The following MCOLN1 variants were observed in gnomAD, a reference collection of about 807,000 sequenced individuals.
MCOLN1 encodes mucolipin TRP cation channel 1, also known as mucolipin-1.
Under a neutral mutation model 70.3 loss-of-function variants are expected in MCOLN1, and 50 were observed. That is an observed-to-expected ratio of 0.71 (90% CI 0.57 to 0.90). MCOLN1 has a LOEUF of 0.90. Ranked by LOEUF, MCOLN1 falls within the 40% of genes least tolerant of loss-of-function variation. MCOLN1 has a pLI of 0.00. For synonymous variants in MCOLN1, 366 were observed against 341.0 expected, an observed-to-expected ratio of 1.07 and a Z score of -0.81; for missense variants, 598 against 803.5, an observed-to-expected ratio of 0.74 and a Z score of 3.09.
At chr19:7,530,555 C>T in intron 12 of MCOLN1, 54 bp downstream of exon 12, 1 of 1,506,428 alleles carries the variant, frequency 6.6e-7, no homozygotes, top group East Asian at 2.3e-5. Context: ...CTGGAGTCTG[C>T]CATGAGGGGG....
At position 7,527,090 on chromosome 19, in the gene MCOLN1, C is replaced by T. The variant is rs926507800; in HGVS notation, c.571+164C>T. The stretch of plus-strand genomic sequence containing the variant: ...AGAAGTTTGAGACCAGCCTGGGCCA[C>T]GTAGGAAGACCTTGTCTCTACGCAC... On this transcript the variant is annotated intron_variant, in intron 4 of 13. Coordinates refer to ENST00000264079, the MANE Select transcript of MCOLN1 (RefSeq NM_020533.3). 33 of 854,892 alleles carry T rather than the reference C, an allele frequency of 3.9e-5. No individual in the cohort carries two copies. The Admixed American group carries it at 4.6e-4, about 12-fold the overall frequency. 53.0% of individuals were successfully genotyped at this position (854,892 alleles called of 1,614,324 possible). A position where few individuals can be genotyped will look rare whatever the true frequency, so the allele number is the denominator to read the frequency against.
Position 7,528,236 on chromosome 19 carries a change from C to A in MCOLN1, c.856C>A (p.His286Asn), listed in dbSNP as rs145191057. The A allele has an allele frequency of 1.5e-4, 245 of 1,613,978 alleles. No individual in the cohort carries two copies. The highest frequency in any genetic ancestry group is 1.5e-4 in the Non-Finnish European group (175 of 1,179,968). Residue 286 changes from histidine to asparagine, a missense_variant, in exon 7 of 14, where the codon CAC (histidine) becomes AAC (asparagine). His to Asn is a moderately conservative substitution (Grantham distance 68, BLOSUM62 1). Around this residue, in one of 3 missense-constraint regions of MCOLN1, gnomAD observed 461 missense variants for 588.4 expected, o/e 0.78. Transcript: ENST00000264079. The surrounding 1 kb of genome is among the most constrained non-coding windows in gnomAD (Gnocchi z 4.2). Reference sequence around the variant, plus strand: ...CCAGGCCCACATCCAGGAGTGTAAGCACCCCAGTGTCTTCCAGCACGGTGA... The same window carrying A: ...CCAGGCCCACATCCAGGAGTGTAAGAACCCCAGTGTCTTCCAGCACGGTGA... ...ETQAHIQECK[H>N]PSVFQHGDNS...
chr19:7,523,874 C>CT (rs911225927), intron 1 of MCOLN1, among the ~76,000 whole-genome samples: 6 of 149,420 alleles, frequency 4.0e-5, no homozygotes, highest in South Asian at 2.1e-4. Flanking sequence ...TTTTAATAAA[C>CT]TTTTTTTTGT....
chr19:7,533,587 G>T lies in MCOLN1; in HGVS notation c.1640G>T (p.Ser547Ile). 6.2e-7 allele frequency: 1 copy of T among 1,613,162 alleles called. No individual in the cohort carries two copies. Among genetic ancestry groups the T allele is most frequent in the Non-Finnish European group, 8.5e-7 (1 of 1,179,964 alleles). The change falls in exon 13 of 14, where the codon AGC becomes ATC. Residue 547 changes from serine to isoleucine, a missense_variant. By Grantham distance (142) the Ser-to-Ile change is moderately radical. Transcript: ENST00000264079. ...LQAYIAQCQDSPTSGKFRRGS... is the reference protein window; with the variant it reads ...LQAYIAQCQDIPTSGKFRRGS... ...GCCTACATCGCACAGTGCCAGGACA[G>T]CCCCACCTCCGGCAAGTTCCGCCGC...
In MCOLN1 at chr19:7,527,629, G is replaced by A. The variant is rs1599254152; in HGVS notation, c.680+1G>A. On this transcript the variant is annotated splice_donor_variant, in intron 5 of 13. Transcript: ENST00000264079. LOFTEE classifies it high-confidence loss of function. ...AGAACCTCACGCTCAAATTCCACAA[G>A]TACTGCCTGCTCACTCGAGGGGGGC... The A allele has an allele frequency of 1.2e-6, 2 of 1,601,580 alleles. No individual in the cohort carries two copies. The highest frequency in any genetic ancestry group is 8.6e-7 in the Non-Finnish European group (1 of 1,168,552).
Position 7,529,133 on chromosome 19 carries a change from C to T in MCOLN1, c.1167C>T (p.Leu389=). Residue 389 remains leucine, a synonymous_variant, in exon 10 of 14, where the codon CTC becomes CTT. Transcript: ENST00000264079. ...CGAGCTACGACGTCTGCAGCATCCT[C>T]CTGGGCACCTCGACGCTGCTGGTGT... The part of the protein sequence containing the change: ...NLASYDVCSI[L]LGTSTLLVWV... The T allele has an allele frequency of 6.8e-6, 11 of 1,613,982 alleles. No homozygotes were observed. The highest frequency in any genetic ancestry group is 1.1e-5 in the South Asian group (1 of 91,086).
At position 7,526,268 on chromosome 19, in the gene MCOLN1, A is replaced by C; in HGVS notation, c.238-171A>C. 4 of 782,126 alleles carry C rather than the reference A, an allele frequency of 5.1e-6. No individual in the cohort carries two copies. The South Asian group carries it at 6.1e-5, about 12-fold the overall frequency. The allele number at this position is 782,126 out of a possible 1,614,324, so 48.4% of individuals were successfully genotyped here. On this transcript the variant is annotated intron_variant, in intron 2 of 13. Coordinates refer to ENST00000264079, the MANE Select transcript of MCOLN1 (RefSeq NM_020533.3). This position sits in a 1 kb window ranked among gnomAD's most constrained non-coding sequence, Gnocchi z 4.6. ...GAGGTGGGGTGAAATTAATCAAAGC[A>C]AAGAAATGCACAAGTGAAATCCGTG...
chr19:7,524,312 G>A lies in MCOLN1; in HGVS notation c.32-649G>A, dbSNP rs1019107980. 1.4e-4 allele frequency among the ~76,000 whole-genome samples: 22 copies of A among 152,298 alleles called. No homozygotes were observed. Among genetic ancestry groups the A allele is most frequent in the African/African-American group, 5.1e-4 (21 of 41,554 alleles). ...CAGGGAGATAAAATGAGTCTTTAGC[G>A]AATGTGTTCCATTATTATTACTTAT... On this transcript the variant is annotated intron_variant, in intron 1 of 13. Transcript: ENST00000264079. The surrounding 1 kb of genome is among the most constrained non-coding windows in gnomAD (Gnocchi z 4.1).
At position 7,526,941 on chromosome 19, in the gene MCOLN1, C is replaced by T. The variant is rs369307410; in HGVS notation, c.571+15C>T. 13 of 1,613,912 alleles carry T rather than the reference C, an allele frequency of 8.1e-6. No individual in the cohort carries two copies. Among genetic ancestry groups the T allele is most frequent in the East Asian group, 2.2e-5 (1 of 44,872 alleles). ...GGTGGTTACTGGTGAGTGGGCAGGACGAGGCTTCACTGTTGGGAGCCTGAG... is the reference window on the plus strand; with the variant it reads ...GGTGGTTACTGGTGAGTGGGCAGGATGAGGCTTCACTGTTGGGAGCCTGAG... On this transcript the variant is annotated intron_variant, in intron 4 of 13. Transcript: ENST00000264079. The surrounding 1 kb of genome is among the most constrained non-coding windows in gnomAD (Gnocchi z 4.6).
Position 7,533,810 on chromosome 19 carries a change from C to T in MCOLN1, c.*15C>T, listed in dbSNP as rs755276306. ...TGGTGAATTGATTCGACCTGACTGC[C>T]GTTGGACCGTAGGCCCTGGACTGCA... On this transcript the variant is annotated 3_prime_UTR_variant, in exon 14 of 14. Coordinates refer to ENST00000264079, the MANE Select transcript of MCOLN1 (RefSeq NM_020533.3). 11 of 1,614,114 alleles carry T rather than the reference C, an allele frequency of 6.8e-6. No homozygotes were observed. In the South Asian group the frequency reaches 8.8e-5, roughly 13 times the overall value.
chr19:7,522,821 C>T, intron 1 of MCOLN1, 40 bp downstream of exon 1: 2 of 1,312,066 alleles, frequency 1.5e-6, no homozygotes, highest in Non-Finnish European at 1.9e-6. Flanking sequence ...CGAACTCAGG[C>T]GGGCGGGCTG....
chr19:7,527,304 C>A, intron 4 of MCOLN1: 1 of 520,694 alleles, frequency 1.9e-6, no homozygotes, highest in Non-Finnish European at 3.5e-6. Flanking sequence ...AACAAGTATG[C>A]TTAGTGTGAG....
In MCOLN1 at chr19:7,526,600, G is replaced by A; in HGVS notation, c.399G>A (p.Val133=). ...EQLYQAIFHA[V]DQYLALPDVS... is the part of the protein sequence containing the mutation. ...TGTACCAGGCCATCTTCCATGCTGT[G>A]GACCAGGTGCTGGTGGGCGGGCAGG... The change falls in exon 3 of 14, where the codon GTG becomes GTA. Residue 133 remains valine (V), a synonymous_variant. Coordinates refer to ENST00000264079, the MANE Select transcript of MCOLN1 (RefSeq NM_020533.3). The surrounding 1 kb of genome is among the most constrained non-coding windows in gnomAD (Gnocchi z 4.6). The A allele has an allele frequency of 6.2e-7, 1 of 1,613,014 alleles. No individual in the cohort carries two copies.
Position 7,528,922 on chromosome 19 carries a change from T to A in MCOLN1, c.1086T>A (p.Asp362Glu). The A allele has an allele frequency of 1.2e-6, 2 of 1,614,158 alleles. No individual in the cohort carries two copies. Among genetic ancestry groups the A allele is most frequent in the Non-Finnish European group, 1.7e-6 (2 of 1,180,024 alleles). ...NGWYILLVTS[D>E]VLTISGTIMK... The stretch of plus-strand genomic sequence containing the variant: ...GGTACATCCTGCTCGTCACCAGCGA[T>A]GTGCTCACCATCTCGGGCACCATCA... The change falls in exon 9 of 14, where the codon GAT becomes GAA. Residue 362 changes from aspartate (D) to glutamate (E), a missense_variant. Around this residue, in one of 3 missense-constraint regions of MCOLN1, gnomAD observed 461 missense variants for 588.4 expected, o/e 0.78. Coordinates refer to ENST00000264079, the MANE Select transcript of MCOLN1 (RefSeq NM_020533.3). This position sits in a 1 kb window ranked among gnomAD's most constrained non-coding sequence, Gnocchi z 4.2.
At position 7,530,441 on chromosome 19, in the gene MCOLN1, C is replaced by T; in HGVS notation, c.1515C>T (p.Phe505=). ...QLYLYSFISL[F]IYMVLSLFIA... is the part of the protein sequence containing the mutation. ...ACCTTTACTCCTTCATCAGCCTCTT[C>T]ATCTACATGGTGCTCAGCCTCTTCA... The change falls in exon 12 of 14, where the codon TTC becomes TTT. Residue 505 remains phenylalanine (F), a synonymous_variant. Coordinates refer to ENST00000264079, the MANE Select transcript of MCOLN1 (RefSeq NM_020533.3). 1 of 1,613,302 alleles carries T rather than the reference C, an allele frequency of 6.2e-7. No individual in the cohort carries two copies. The highest frequency in any genetic ancestry group is 2.2e-5 in the East Asian group (1 of 44,888).
In MCOLN1 at chr19:7,528,064, G is replaced by A; in HGVS notation, c.778-94G>A. ...CCAAGGGCAAGCGTGCGGGTGATGA[G>A]GGAGGGAGCCCGGGGTCTGTCAGGC... On this transcript the variant is annotated intron_variant, in intron 6 of 13. Coordinates refer to ENST00000264079, the MANE Select transcript of MCOLN1 (RefSeq NM_020533.3). The surrounding 1 kb of genome is among the most constrained non-coding windows in gnomAD (Gnocchi z 4.2). 6.5e-7 allele frequency: 1 copy of A among 1,529,940 alleles called. No individual in the cohort carries two copies. Among genetic ancestry groups the A allele is most frequent in the Non-Finnish European group, 9.1e-7 (1 of 1,103,776 alleles). 94.8% of individuals were successfully genotyped at this position (1,529,940 alleles called of 1,614,324 possible).
At position 7,529,598 on chromosome 19, in the gene MCOLN1, C is replaced by T. The variant is rs1302332702; in HGVS notation, c.1245C>T (p.Ile415=). The T allele has an allele frequency of 2.2e-5, 34 of 1,544,606 alleles. No homozygotes were observed. Among genetic ancestry groups the T allele is most frequent in the Non-Finnish European group, 2.6e-5 (30 of 1,135,374 alleles). ...CCTCTGCCCCAACCCAGATCCTCAT[C>T]GCCACACTGCGGGTGGCCCTGCCCA... ...LTFFHNYNIL[I]ATLRVALPSV... The change falls in exon 11 of 14, where the codon ATC becomes ATT. Residue 415 remains isoleucine (I), a synonymous_variant. Transcript: ENST00000264079.
chr19:7,529,860 ATTG>A (rs2022629185), intron 11 of MCOLN1, 148 bp downstream of exon 11: 1 of 1,013,806 alleles, frequency 9.9e-7, no homozygotes, highest in Non-Finnish European at 1.6e-6. Context: ...CTGTGCCATT[ATTG>A]TTGTCACAGT....
chr19:7,526,740 C>T lies in MCOLN1; in HGVS notation c.406-21C>T. ...CAGAGAGCGGGCCGGACTCACAGGC[C>T]CTCCCCTTCTCTGCCCACAGTACCT... is the stretch of plus-strand genomic sequence containing the variant. On this transcript the variant is annotated intron_variant, in intron 3 of 13. Transcript: ENST00000264079. The surrounding 1 kb of genome is among the most constrained non-coding windows in gnomAD (Gnocchi z 4.6). 6.2e-7 allele frequency: 1 copy of T among 1,612,858 alleles called. No homozygotes were observed. The highest frequency in any genetic ancestry group is 8.5e-7 in the Non-Finnish European group (1 of 1,179,998).
Sources: gnomAD v4.1 joint callset for allele counts (sites outside exome capture counted in the v4.1 genomes callset) on GRCh38, gnomAD v4.1.1 for gene constraint, gnomAD v4.1.1 regional missense constraint, Gnocchi (gnomAD v3.1) non-coding constraint, MANE v1.5 for transcripts, NCBI Gene and HGNC (gene_info 2026-07-23, HGNC 2026-07-21) for gene names.